The following RPA1 variants were observed in gnomAD, a reference collection of about 807,000 sequenced individuals.
The protein encoded by RPA1 is replication protein A 70 kDa DNA-binding subunit.
A neutral mutation model predicts 83.0 loss-of-function variants in RPA1; 49 were observed. That is an observed-to-expected ratio of 0.59 (90% confidence interval 0.47 to 0.75). The LOEUF (loss-of-function observed/expected upper bound fraction) is 0.75. Among genes scored for constraint, RPA1 ranks in the 30% least tolerant of loss-of-function variants. The probability of loss-of-function intolerance (pLI) is 0.00; values close to 1 mark genes in which losing one functional copy is unlikely to be tolerated. For missense variants in RPA1, 693 were observed against 776.1 expected (o/e 0.89, Z 1.27); for synonymous variants, 279 against 281.8 (o/e 0.99, Z 0.10).
intron 5 of RPA1, among the ~76,000 whole-genome samples, chr17:1,868,438 G>A (rs888893453): frequency 2.0e-5 from 3 of 152,176 alleles, no homozygotes; most frequent in Non-Finnish European, 2.9e-5. Context: ...GTACAATTAA[G>A]TCTAGCCCAC....
intron 12 of RPA1, among the ~76,000 whole-genome samples, chr17:1,880,974 TCAG>T (rs1913771344): frequency 6.6e-6 from 1 of 152,218 alleles, no homozygotes; most frequent in African/African-American, 2.4e-5. Flanking sequence ...CGGCCAGGCT[TCAG>T]CAGCGGTGTG....
intron 1 of RPA1, among the ~76,000 whole-genome samples, chr17:1,831,719 C>T (rs1245347577): frequency 6.6e-6 from 1 of 150,824 alleles, no homozygotes; most frequent in East Asian, 2.0e-4. Context: ...CTGTCTCAGC[C>T]TCCCGAATAG....
chr17:1,847,789 G>A (rs1360206778), intron 4 of RPA1, among the ~76,000 whole-genome samples: 1 of 152,106 alleles, frequency 6.6e-6, no homozygotes, highest in Non-Finnish European at 1.5e-5. Flanking sequence ...GAGAGGCTGA[G>A]GCGGGGCAGA....
chr17:1,873,541 G>A (rs1432313508), intron 6 of RPA1, among the ~76,000 whole-genome samples: 1 of 152,116 alleles, frequency 6.6e-6, no homozygotes, highest in Non-Finnish European at 1.5e-5. Context: ...AGATGTCACT[G>A]ATGTTTCTGT....
At position 1,865,753 on chromosome 17, in the gene RPA1, G is replaced by A. The variant is rs144528755; in HGVS notation, c.362-6681G>A. 2.0e-3 allele frequency among the ~76,000 whole-genome samples: 303 copies of A among 152,204 alleles called. 2 individuals carry two copies. The highest frequency in any genetic ancestry group is 3.5e-3 in the Non-Finnish European group (236 of 68,016). ...GTACTCCACTTTGCCTACACAAAAG[G>A]CAGCATACTGTGTACACTATCGTGT... is the stretch of plus-strand genomic sequence containing the variant. On this transcript the variant is annotated intron_variant, in intron 5 of 16. Transcript: ENST00000254719.
chr17:1,831,813 A>C (rs1410385974), intron 1 of RPA1, among the ~76,000 whole-genome samples: 4 of 143,224 alleles, frequency 2.8e-5, no homozygotes, highest in Non-Finnish European at 1.5e-5. Context: ...GTTAGCCAGG[A>C]TGGTCTCGAT....
rs529810483 is a variant in RPA1, at chr17:1,891,319, G to T, written c.1552-514G>T. Among the ~76,000 whole-genome samples, 4 of 152,338 alleles carry T rather than the reference G, an allele frequency of 2.6e-5. No homozygotes were observed. The South Asian group carries it at 8.3e-4, about 32-fold the overall frequency. ...GTTGTCTGGGTGCCCAGCAGTGACA[G>T]AGCCGTCTCATGGAACTCCTCCTAG... On this transcript the variant is annotated intron_variant, in intron 14 of 16. Transcript: ENST00000254719.
chr17:1,893,827 G>A (rs117850472), intron 15 of RPA1, among the ~76,000 whole-genome samples: 22 of 151,954 alleles, frequency 1.4e-4, no homozygotes, highest in East Asian at 5.8e-4. Flanking sequence ...CTGAAATCAC[G>A]AATTATATTG....
intron 12 of RPA1, among the ~76,000 whole-genome samples, chr17:1,881,845 C>T (rs914644226): frequency 6.6e-6 from 1 of 152,106 alleles, no homozygotes; most frequent in African/African-American, 2.4e-5. Context: ...ATGTTTAGAT[C>T]TTGGCTATAA....
chr17:1,891,214 C>A (rs1165747420), intron 14 of RPA1, among the ~76,000 whole-genome samples: 1 of 152,206 alleles, frequency 6.6e-6, no homozygotes, highest in Non-Finnish European at 1.5e-5. Context: ...ACACCACAGC[C>A]CAGTGGGAGA....
At chr17:1,841,670 G>C (rs550574205) in intron 1 of RPA1, among the ~76,000 whole-genome samples, 2 of 152,036 alleles carry the variant, frequency 1.3e-5, no homozygotes, top group African/African-American at 4.8e-5. Flanking sequence ...ATACCACATT[G>C]AATAAAGGTG....
chr17:1,874,012 A>AATAT (rs1180376121), intron 6 of RPA1, among the ~76,000 whole-genome samples: 45 of 93,830 alleles, frequency 4.8e-4, no homozygotes, highest in African/African-American at 2.0e-3. Flanking sequence ...AAAAAAAAAA[A>AATAT]ATATATATAT....
intron 5 of RPA1, among the ~76,000 whole-genome samples, chr17:1,870,194 C>T (rs1411287217): frequency 2.6e-5 from 4 of 152,126 alleles, no homozygotes; most frequent in East Asian, 1.9e-4. Flanking sequence ...TAGCAATGCA[C>T]GTACCTGCAC....
chr17:1,889,790 A>G (rs1342446001), intron 14 of RPA1, among the ~76,000 whole-genome samples: 1 of 151,702 alleles, frequency 6.6e-6, no homozygotes, highest in East Asian at 2.0e-4. Context: ...ACCTGAGATC[A>G]GGAGTTTGAG....
intron 2 of RPA1, 144 bp downstream of exon 2, chr17:1,842,997 C>T: frequency 1.3e-6 from 1 of 745,532 alleles, no homozygotes; most frequent in Non-Finnish European, 2.3e-6. Context: ...TACATTGTAA[C>T]CCTGAGAGAG....
rs1270534110 is a variant in RPA1, at chr17:1,899,842, C to T, written c.*2667C>T. On this transcript the variant is annotated 3_prime_UTR_variant, in exon 17 of 17. Transcript: ENST00000254719. Reference sequence around the variant, plus strand: ...TTGTTTGGTCTCCTTTTCTTCTTTTCACCTGTTAGAAGGCCACTATTCCCC... The same window carrying T: ...TTGTTTGGTCTCCTTTTCTTCTTTTTACCTGTTAGAAGGCCACTATTCCCC... 6.6e-6 allele frequency: 1 copy of T among 152,152 alleles called. No individual in the cohort carries two copies. The highest frequency in any genetic ancestry group is 1.5e-5 in the Non-Finnish European group (1 of 68,036). 9.4% of individuals were successfully genotyped at this position (152,152 alleles called of 1,614,324 possible). A position where few individuals can be genotyped will look rare whatever the true frequency, so the allele number is the denominator to read the frequency against.
At chr17:1,890,523 C>T (rs552988087) in intron 14 of RPA1, among the ~76,000 whole-genome samples, 2 of 151,616 alleles carry the variant, frequency 1.3e-5, no homozygotes, top group East Asian at 3.9e-4. Context: ...ATTAGCCAGG[C>T]GTGGTGGCGG....
At chr17:1,867,704 C>G (rs1200099654) in intron 5 of RPA1, among the ~76,000 whole-genome samples, 2 of 151,466 alleles carry the variant, frequency 1.3e-5, no homozygotes, top group Admixed American at 1.3e-4. Flanking sequence ...GATCAAGACC[C>G]TGTCTCAAAA....
chr17:1,841,871 T>C (rs1912059040), intron 1 of RPA1, among the ~76,000 whole-genome samples: 1 of 152,218 alleles, frequency 6.6e-6, no homozygotes, highest in African/African-American at 2.4e-5. Context: ...CAGTTGATGA[T>C]GATTTTTCTC....
Sources: gnomAD v4.1 joint callset for allele counts (sites outside exome capture counted in the v4.1 genomes callset) on GRCh38, gnomAD v4.1.1 for gene constraint, MANE v1.5 for transcripts, NCBI Gene and HGNC (gene_info 2026-07-23, HGNC 2026-07-21) for gene names.